The following GPHN variants were observed in gnomAD, a reference collection of about 807,000 sequenced individuals.
GPHN encodes gephyrin.
In GPHN, 17 loss-of-function variants were observed where a neutral mutation model predicts 95.5. The ratio of observed to expected loss-of-function variants is 0.18; its 90% CI spans 0.12 to 0.27. The LOEUF is 0.27. GPHN is among the 10% of genes least tolerant of loss of function. GPHN has a pLI of 1.00. For synonymous variants in GPHN, 320 were observed against 322.5 expected (o/e 0.99, Z 0.08); for missense variants, 660 against 978.1 (o/e 0.67, Z 4.34).
chr14:66,545,488 G>A (rs1197349834), intron 1 of GPHN, among the ~76,000 whole-genome samples: 1 of 125,174 alleles, frequency 8.0e-6, no homozygotes. Context: ...CCTCCCGGAC[G>A]GGGCGGCTGG....
intron 9 of GPHN, among the ~76,000 whole-genome samples, chr14:67,022,568 G>GTTGTGTGTGTGTGTGT (rs1555466198): frequency 4.8e-5 from 1 of 20,874 alleles, no homozygotes; most frequent in Non-Finnish European, 8.8e-5. Context: ...TTTTTTTTTT[G>GTTGTGTGTGTGTGTGT]GTGTGTGTGT....
the GPHN span, chr14:67,722,550 C>T: frequency 9.5e-7 from 1 of 1,054,940 alleles, no homozygotes; most frequent in Non-Finnish European, 1.5e-6. Flanking sequence ...GCAGAAGCAG[C>T]CAAGAGCTGG....
the GPHN span, among the ~76,000 whole-genome samples, chr14:67,264,756 A>G: frequency 6.6e-6 from 1 of 152,178 alleles, no homozygotes; most frequent in South Asian, 2.1e-4. Flanking sequence ...ATGGCCTAGA[A>G]TCATGGGGTG....
At chr14:66,643,885 C>T (rs541760928) in intron 1 of GPHN, among the ~76,000 whole-genome samples, 14 of 151,482 alleles carry the variant, frequency 9.2e-5, no homozygotes, top group African/African-American at 2.9e-4. Flanking sequence ...TGTTTTACTT[C>T]GATCAGTTTA....
At chr14:67,507,383 A>G in the GPHN span, among the ~76,000 whole-genome samples, 1 of 151,916 alleles carries the variant, frequency 6.6e-6, no homozygotes, top group Non-Finnish European at 1.5e-5. Context: ...AAAAACATCA[A>G]CCAGAGACCT....
At chr14:67,129,675 T>C (rs2153696473) in intron 17 of GPHN, among the ~76,000 whole-genome samples, 1 of 152,306 alleles carries the variant, frequency 6.6e-6, no homozygotes, top group Non-Finnish European at 1.5e-5. Flanking sequence ...AGCTATGTTT[T>C]GTTTTCCAGA....
chr14:67,733,961 C>T, the GPHN span: 3 of 732,056 alleles, frequency 4.1e-6, no homozygotes, highest in Non-Finnish European at 7.2e-6. Flanking sequence ...GCTGCGAATC[C>T]TGCCTGCTCT....
the GPHN span, among the ~76,000 whole-genome samples, chr14:67,624,030 G>A: frequency 1.4e-4 from 22 of 152,016 alleles, no homozygotes; most frequent in Middle Eastern, 3.4e-3. Context: ...TTGTAGAGCC[G>A]GGGTCTCACT....
the GPHN span, among the ~76,000 whole-genome samples, chr14:67,416,497 G>T: frequency 5.9e-5 from 9 of 152,348 alleles, no homozygotes; most frequent in Admixed American, 5.2e-4. Flanking sequence ...GAGGCAAAAA[G>T]CCAGAGGAGA....
At chr14:67,732,488 G>A in the GPHN span, among the ~76,000 whole-genome samples, 2 of 137,472 alleles carry the variant, frequency 1.5e-5, no homozygotes, top group Non-Finnish European at 3.1e-5. Context: ...TTTTATGTAA[G>A]AGAGAAAGAG....
At chr14:67,546,805 G>A in the GPHN span, among the ~76,000 whole-genome samples, 1 of 152,324 alleles carries the variant, frequency 6.6e-6, no homozygotes, top group African/African-American at 2.4e-5. Flanking sequence ...CTTTGAGGCT[G>A]CAGTGAGCTG....
chr14:66,537,977 C>T (rs2140026100), intron 1 of GPHN, among the ~76,000 whole-genome samples: 1 of 152,162 alleles, frequency 6.6e-6, no homozygotes, highest in East Asian at 1.9e-4. Flanking sequence ...ACAGGTGGCA[C>T]CACTGTGCTC....
chr14:66,751,499 G>C (rs1324690954), intron 2 of GPHN, among the ~76,000 whole-genome samples: 1 of 152,056 alleles, frequency 6.6e-6, no homozygotes, highest in African/African-American at 2.4e-5. Context: ...CTTTTGAGAA[G>C]TGTCTGTTCA....
intron 11 of GPHN, among the ~76,000 whole-genome samples, chr14:67,065,563 G>A (rs549919328): frequency 3.9e-5 from 6 of 152,098 alleles, no homozygotes; most frequent in East Asian, 3.9e-4. Context: ...TGTGGGAGTC[G>A]AAGTCTCTTT....
intron 1 of GPHN, among the ~76,000 whole-genome samples, chr14:66,638,978 G>A (rs887370169): frequency 6.6e-6 from 1 of 151,972 alleles, no homozygotes; most frequent in Non-Finnish European, 1.5e-5. Flanking sequence ...AGAACAGGAA[G>A]GACCTTATCA....
the GPHN span, among the ~76,000 whole-genome samples, chr14:67,580,569 G>C: frequency 6.6e-6 from 1 of 152,238 alleles, no homozygotes; most frequent in East Asian, 1.9e-4. Flanking sequence ...CATCTGTGAG[G>C]CTTTGTTACA....
chr14:66,712,459 GT>G (rs2069737015), intron 2 of GPHN, among the ~76,000 whole-genome samples: 1 of 152,112 alleles, frequency 6.6e-6, no homozygotes, highest in African/African-American at 2.4e-5. Flanking sequence ...ATTTGTTTAA[GT>G]TCTTTGTAGA....
At chr14:66,782,841 A>G (rs970027965) in intron 3 of GPHN, among the ~76,000 whole-genome samples, 1 of 152,094 alleles carries the variant, frequency 6.6e-6, no homozygotes, top group Non-Finnish European at 1.5e-5. Context: ...TCAAAAACAA[A>G]CAAACAAACA....
the GPHN span, among the ~76,000 whole-genome samples, chr14:67,396,045 G>A: frequency 3.3e-5 from 5 of 152,278 alleles, no homozygotes; most frequent in East Asian, 5.8e-4. Flanking sequence ...GCTCCCTTCC[G>A]TCCTCTTTCC....
Sources: allele counts gnomAD v4.1 joint callset (sites outside exome capture counted in the v4.1 genomes callset), GRCh38; gene constraint gnomAD v4.1.1; transcripts MANE v1.5; gene names NCBI Gene and HGNC (gene_info 2026-07-23, HGNC 2026-07-21).